The following MAGT1 variants were observed in gnomAD, a reference collection of about 807,000 sequenced individuals.
MAGT1 encodes the protein dolichyl-diphosphooligosaccharide--protein glycosyltransferase subunit MAGT1.
In MAGT1, 4 loss-of-function variants were observed where a neutral mutation model predicts 28.4. The ratio of observed to expected loss-of-function variants is 0.14; its 90% CI spans 0.07 to 0.32. The LOEUF (loss-of-function observed/expected upper bound fraction) is 0.32. Ranked by LOEUF, MAGT1 falls within the 10% of genes least tolerant of loss-of-function variation. MAGT1 has a pLI of 1.00. For missense variants in MAGT1, 193 were observed against 264.5 expected (o/e 0.73, Z 1.88); for synonymous variants, 89 against 89.7 (o/e 0.99, Z 0.04).
chrX:77,863,822 G>C (rs2077001203), intron 3 of MAGT1, among the ~76,000 whole-genome samples: 1 of 111,362 alleles, frequency 9.0e-6, no homozygotes, highest in African/African-American at 3.3e-5. Context: ...GTTGGAGGGA[G>C]ACCAGCCTGG....
chrX:77,841,676 T>C (rs1362350152), intron 7 of MAGT1, among the ~76,000 whole-genome samples: 2 of 107,896 alleles, frequency 1.9e-5, no homozygotes, highest in African/African-American at 3.4e-5. Flanking sequence ...AAATATTAAA[T>C]GGCTTTTTTT....
chrX:77,829,453 A>G (rs1417266913), intron 9 of MAGT1, among the ~76,000 whole-genome samples: 1 of 112,182 alleles, frequency 8.9e-6, no homozygotes, highest in East Asian at 2.8e-4. Context: ...ATATCTCCTG[A>G]ATAGAGACAC....
intron 3 of MAGT1, among the ~76,000 whole-genome samples, chrX:77,862,168 G>A (rs1465116146): frequency 1.8e-5 from 2 of 111,434 alleles, no homozygotes; most frequent in Admixed American, 9.7e-5. Context: ...CATACGCTTA[G>A]CTTTTGCATA....
chrX:77,836,527 C>T (rs1373614863), intron 8 of MAGT1, among the ~76,000 whole-genome samples: 1 of 111,647 alleles, frequency 9.0e-6, no homozygotes, highest in Non-Finnish European at 1.9e-5. Context: ...ACTATGTACC[C>T]ACAAAAATTA....
intron 2 of MAGT1, among the ~76,000 whole-genome samples, chrX:77,871,599 G>A (rs782096919): frequency 9.0e-6 from 1 of 111,410 alleles, no homozygotes; most frequent in South Asian, 3.8e-4. Flanking sequence ...ATCCCAGCAC[G>A]TTGGGAGGCT....
chrX:77,841,678 G>T (rs1036280905), intron 7 of MAGT1, among the ~76,000 whole-genome samples: 1 of 106,606 alleles, frequency 9.4e-6, no homozygotes, highest in Non-Finnish European at 1.9e-5. Context: ...ATATTAAATG[G>T]CTTTTTTTTT....
intron 7 of MAGT1, among the ~76,000 whole-genome samples, chrX:77,849,369 C>T (rs781874914): frequency 6.4e-5 from 7 of 110,114 alleles, no homozygotes; most frequent in Admixed American, 2.9e-4. Context: ...CATGAGCCAC[C>T]GCACCCAGCC....
At chrX:77,887,681 AATT>A (rs1557219109) in intron 1 of MAGT1, among the ~76,000 whole-genome samples, 1 of 112,412 alleles carries the variant, frequency 8.9e-6, no homozygotes, top group African/African-American at 3.2e-5. Context: ...AATACTTGAA[AATT>A]ATTAGGAAGA....
Position 77,830,793 on chromosome X carries a change from TAAG to T in MAGT1, c.992+9_992+11del. On this transcript the variant is annotated intron_variant, in intron 9 of 9. Transcript: ENST00000618282. ...TGGTAATCACTGTATAAACAAAAAA[TAAG>T]AATCATACCTGTATGGGTAGCCATG... is the stretch of plus-strand genomic sequence containing the variant. The T allele has an allele frequency of 9.6e-7, 1 of 1,041,946 alleles. No homozygotes were observed. The allele number at this position is 1,041,946 out of a possible 1,213,427, so 85.9% of individuals were successfully genotyped here.
chrX:77,887,347 T>G (rs1290625256), intron 1 of MAGT1, among the ~76,000 whole-genome samples: 1 of 111,823 alleles, frequency 8.9e-6, no homozygotes, highest in Non-Finnish European at 1.9e-5. Flanking sequence ...TCCTTCCACT[T>G]TGGCCTTCCC....
intron 7 of MAGT1, among the ~76,000 whole-genome samples, chrX:77,852,693 T>C (rs1010666012): frequency 4.5e-5 from 5 of 110,580 alleles, no homozygotes; most frequent in South Asian, 3.9e-4. Context: ...CTGGGCTCAA[T>C]TGATCCTCCC....
chrX:77,855,801 C>T (rs1318117083), intron 5 of MAGT1, among the ~76,000 whole-genome samples: 2 of 108,940 alleles, frequency 1.8e-5, no homozygotes, highest in African/African-American at 3.3e-5. Context: ...CATGGAGTCT[C>T]GCTCTTTTGC....
At chrX:77,858,311 C>T (rs2076986283) in intron 3 of MAGT1, among the ~76,000 whole-genome samples, 1 of 110,877 alleles carries the variant, frequency 9.0e-6, no homozygotes. Flanking sequence ...CTGCCTCAGC[C>T]TCCCAAGGAG....
rs1344280719 is a variant in MAGT1 at position 77,829,143 on chromosome X, ATTC to A, written c.*74_*76del. 1 of 851,701 alleles carries A rather than the reference ATTC, an allele frequency of 1.2e-6. No individual in the cohort carries two copies. The highest frequency in any genetic ancestry group is 1.7e-6 in the Non-Finnish European group (1 of 571,757). 70.2% of individuals were successfully genotyped at this position (851,701 alleles called of 1,213,427 possible). On this transcript the variant is annotated 3_prime_UTR_variant, in exon 10 of 10. Transcript: ENST00000618282. Reference sequence around the variant, plus strand: ...AGGTAATACAAAATATACAAGTTGCATTCTTCTTTTCAAACACACACGATTTTC... The same window carrying A: ...AGGTAATACAAAATATACAAGTTGCATTCTTTTCAAACACACACGATTTTC...
At chrX:77,856,476 A>C in intron 5 of MAGT1, 4 of 292,882 alleles carry the variant, frequency 1.4e-5, no homozygotes, top group East Asian at 6.9e-5. Context: ...CAGAACAACT[A>C]GAGATTTTCA....
At chrX:77,868,448 C>A (rs1388976887) in intron 3 of MAGT1, 1 of 134,817 alleles carries the variant, frequency 7.4e-6, no homozygotes, top group Admixed American at 8.0e-5. Context: ...ACCAGCCTGG[C>A]CAATACGGTG....
At chrX:77,890,047 C>T (rs929818274) in intron 1 of MAGT1, among the ~76,000 whole-genome samples, 6 of 112,022 alleles carry the variant, frequency 5.4e-5, no homozygotes, top group African/African-American at 9.7e-5. Flanking sequence ...TTTCTGTGCT[C>T]GGCTTATTTC....
intron 1 of MAGT1, among the ~76,000 whole-genome samples, chrX:77,888,455 T>A (rs1344783271): frequency 9.0e-6 from 1 of 111,624 alleles, no homozygotes; most frequent in African/African-American, 3.2e-5. Flanking sequence ...CTATTTGTAA[T>A]AATCAAGTGT....
At chrX:77,850,408 G>A (rs2076963934) in intron 7 of MAGT1, among the ~76,000 whole-genome samples, 1 of 99,667 alleles carries the variant, frequency 1.0e-5, no homozygotes, top group South Asian at 5.0e-4. Flanking sequence ...CCCAGGAGGT[G>A]GAGGTTGCAG....
Sources: gnomAD v4.1 joint callset for allele counts (sites outside exome capture counted in the v4.1 genomes callset) on GRCh38, gnomAD v4.1.1 for gene constraint, MANE v1.5 for transcripts, NCBI Gene and HGNC (gene_info 2026-07-23, HGNC 2026-07-21) for gene names.